The following DNAJC15 variants were observed in gnomAD, a reference collection of about 807,000 sequenced individuals.
DNAJC15 encodes the protein dnaJ homolog subfamily C member 15.
DNAJC15 carries 27 observed loss-of-function variants against 22.4 expected under a neutral mutation model. That is an observed-to-expected ratio of 1.20 (90% confidence interval 0.89 to 1.66). The LOEUF (loss-of-function observed/expected upper bound fraction) is 1.66, where lower values mean the gene tolerates loss of function less well. Among genes scored for constraint, DNAJC15 ranks in the 40% most tolerant of loss-of-function variants. The pLI is 0.00. For missense variants in DNAJC15, 208 were observed against 187.1 expected (o/e 1.11, Z -0.65); for synonymous variants, 79 against 63.2 (o/e 1.25, Z -1.19).
chr13:43,026,802 G>A (rs1032793543), intron 1 of DNAJC15, among the ~76,000 whole-genome samples: 1 of 152,194 alleles, frequency 6.6e-6, no homozygotes, highest in Non-Finnish European at 1.5e-5. Context: ...TGGAAGGTCA[G>A]GTGGGAGAAT....
At chr13:43,052,917 A>C (rs1317837837) in intron 1 of DNAJC15, among the ~76,000 whole-genome samples, 1 of 152,036 alleles carries the variant, frequency 6.6e-6, no homozygotes, top group Non-Finnish European at 1.5e-5. Context: ...TATTTATATT[A>C]GTTTTTGTTG....
intron 1 of DNAJC15, 58 bp from the exon 2 acceptor site, chr13:43,065,627 AT>A (rs1007452954): frequency 3.4e-5 from 45 of 1,342,108 alleles, no homozygotes; most frequent in Non-Finnish European, 4.4e-5. Context: ...ATTAAAAATG[AT>A]TTACTTTTAA....
intron 1 of DNAJC15, among the ~76,000 whole-genome samples, chr13:43,026,766 G>GGC (rs1243417918): frequency 1.3e-5 from 2 of 152,144 alleles, no homozygotes; most frequent in African/African-American, 4.8e-5. Context: ...TGGACATGGT[G>GGC]GCTCATGCCT....
chr13:43,031,510 A>AATGCG, intron 1 of DNAJC15, among the ~76,000 whole-genome samples: 1 of 152,218 alleles, frequency 6.6e-6, no homozygotes, highest in Non-Finnish European at 1.5e-5. Context: ...CCTAGTTGAA[A>AATGCG]ATGCGTTACA....
At position 43,026,618 on chromosome 13, in the gene DNAJC15, T is replaced by C. The variant is rs559918233; in HGVS notation, c.108+2884T>C. ...GTAAATATTAGGAAAGAAAAAAAAA[T>C]GGCCTAGGTGTAGGGCATATTTGGA... On this transcript the variant is annotated intron_variant, in intron 1 of 5. Transcript: ENST00000379221. Among the ~76,000 whole-genome samples, 3 of 151,938 alleles carry C rather than the reference T, an allele frequency of 2.0e-5. No individual in the cohort carries two copies. In the East Asian group the frequency reaches 5.8e-4, roughly 29 times the overall value.
intron 1 of DNAJC15, among the ~76,000 whole-genome samples, chr13:43,061,965 T>C (rs12585716): frequency 0.091 from 13,919 of 152,286 alleles, 820 homozygotes; most frequent in East Asian, 0.26. Context: ...GGGCCAACTT[T>C]ACCCTGTTGC....
chr13:43,061,749 G>C (rs9533371), intron 1 of DNAJC15, among the ~76,000 whole-genome samples: 1 of 152,140 alleles, frequency 6.6e-6, no homozygotes, highest in Non-Finnish European at 1.5e-5. Flanking sequence ...GGCCCAAGCC[G>C]TTCATTAGGG....
intron 5 of DNAJC15, among the ~76,000 whole-genome samples, chr13:43,101,885 C>G (rs1331977761): frequency 3.3e-5 from 5 of 152,152 alleles, no homozygotes; most frequent in African/African-American, 1.2e-4. Flanking sequence ...AATTGTGCTG[C>G]TATAAACATG....
At chr13:43,091,380 G>T (rs9533384) in intron 5 of DNAJC15, among the ~76,000 whole-genome samples, 7 of 152,204 alleles carry the variant, frequency 4.6e-5, no homozygotes, top group African/African-American at 1.7e-4. Context: ...GAGCCACTGC[G>T]CCTGGCCAAT....
chr13:43,101,230 A>G (rs994849238), intron 5 of DNAJC15, among the ~76,000 whole-genome samples: 5 of 152,064 alleles, frequency 3.3e-5, no homozygotes, highest in East Asian at 1.9e-4. Flanking sequence ...GTCTTGCTAT[A>G]TTGCTCAGGC....
intron 2 of DNAJC15, among the ~76,000 whole-genome samples, chr13:43,068,534 G>T (rs1356532730): frequency 6.6e-6 from 1 of 151,940 alleles, no homozygotes; most frequent in Non-Finnish European, 1.5e-5. Flanking sequence ...ATCATAAAAA[G>T]CAATACAATT....
chr13:43,039,284 T>A lies in DNAJC15; in HGVS notation c.108+15550T>A, dbSNP rs143406895. On this transcript the variant is annotated intron_variant, in intron 1 of 5. Coordinates refer to ENST00000379221, the MANE Select transcript of DNAJC15 (RefSeq NM_013238.3). The stretch of plus-strand genomic sequence containing the variant: ...TTTCAACTCTATGATTCCGTGACAT[T>A]GACTTAATTTATTATTACAGTCAGA... Among the ~76,000 whole-genome samples the A allele has an allele frequency of 4.5e-4, 69 of 152,344 alleles. 1 individual carries two copies. Among genetic ancestry groups the A allele is most frequent in the African/African-American group, 1.4e-3 (59 of 41,590 alleles).
chr13:43,088,402 T>G (rs1441150549), intron 5 of DNAJC15, among the ~76,000 whole-genome samples: 2 of 152,206 alleles, frequency 1.3e-5, no homozygotes, highest in Non-Finnish European at 2.9e-5. Context: ...TTAGCTCTCC[T>G]TCAAGACTTT....
At chr13:43,082,045 G>A (rs530271006) in intron 4 of DNAJC15, among the ~76,000 whole-genome samples, 2 of 151,954 alleles carry the variant, frequency 1.3e-5, no homozygotes, top group Non-Finnish European at 2.9e-5. Context: ...AGGAAAACCC[G>A]CCCCCATCAT....
At chr13:43,026,867 C>G (rs1337623953) in intron 1 of DNAJC15, among the ~76,000 whole-genome samples, 2 of 151,968 alleles carry the variant, frequency 1.3e-5, no homozygotes, top group Non-Finnish European at 2.9e-5. Context: ...AGACCCCTGT[C>G]TTTCTAAAAG....
intron 5 of DNAJC15, among the ~76,000 whole-genome samples, chr13:43,087,389 T>A (rs1308859796): frequency 6.6e-6 from 1 of 152,124 alleles, no homozygotes; most frequent in Non-Finnish European, 1.5e-5. Context: ...TTTGATGGAG[T>A]TGAGAGATGA....
chr13:43,107,297 A>C lies in DNAJC15; in HGVS notation c.*49A>C, dbSNP rs2040802053. On this transcript the variant is annotated 3_prime_UTR_variant, in exon 6 of 6. Transcript: ENST00000379221. Reference sequence around the variant, plus strand: ...AAAAAAAAGAGGGGACTTCGAAAAAAAAAAAAGCCCTGCAAAATATTCTAA... The same window carrying C: ...AAAAAAAAGAGGGGACTTCGAAAAACAAAAAAGCCCTGCAAAATATTCTAA... 6.8e-7 allele frequency: 1 copy of C among 1,466,506 alleles called. No individual in the cohort carries two copies. Among genetic ancestry groups the C allele is most frequent in the Non-Finnish European group, 9.1e-7 (1 of 1,103,670 alleles). The allele number at this position is 1,466,506 out of a possible 1,614,324, so 90.8% of individuals were successfully genotyped here. A position where few individuals can be genotyped will look rare whatever the true frequency, so the allele number is the denominator to read the frequency against.
intron 4 of DNAJC15, among the ~76,000 whole-genome samples, chr13:43,085,101 C>T (rs753407398): frequency 1.3e-5 from 2 of 152,184 alleles, no homozygotes; most frequent in Admixed American, 6.5e-5. Context: ...TGGAGGCTTA[C>T]ACCTGTAATC....
chr13:43,043,035 A>G (rs2040460912), intron 1 of DNAJC15, among the ~76,000 whole-genome samples: 2 of 152,224 alleles, frequency 1.3e-5, no homozygotes, highest in Admixed American at 1.3e-4. Context: ...CAGGAAGGAC[A>G]TGGTTGATGA....
Sources: allele counts gnomAD v4.1 joint callset (sites outside exome capture counted in the v4.1 genomes callset), GRCh38; gene constraint gnomAD v4.1.1; transcripts MANE v1.5; gene names NCBI Gene and HGNC (gene_info 2026-07-23, HGNC 2026-07-21).